Variants in SMCHD1 observed in about 807,000 individuals in gnomAD.
SMCHD1 encodes the protein structural maintenance of chromosomes flexible hinge domain containing 1.
SMCHD1 carries 78 observed loss-of-function variants against 254.7 expected under a neutral mutation model. The ratio of observed to expected loss-of-function variants is 0.31; its 90% CI spans 0.26 to 0.37. The LOEUF is 0.37. SMCHD1 is among the 10% of genes least tolerant of loss of function. The pLI, the probability that SMCHD1 is intolerant of heterozygous loss-of-function variation, is 1.00. For missense variants in SMCHD1, 1,840 were observed against 2,408.1 expected (o/e 0.76, Z 4.94); for synonymous variants, 766 against 794.9 (o/e 0.96, Z 0.61).
intron 37 of SMCHD1, among the ~76,000 whole-genome samples, chr18:2,768,669 T>TACACTATATACTATACTACTAGTATA (rs2075917525): frequency 2.1e-4 from 24 of 113,050 alleles, no homozygotes; most frequent in South Asian, 3.1e-4. Context: ...TAGTATATAG[T>TACACTATATACTATACTACTAGTATA]GTACTATATA....
intron 45 of SMCHD1, among the ~76,000 whole-genome samples, chr18:2,787,775 A>T (rs1478410661): frequency 6.6e-6 from 1 of 152,202 alleles, no homozygotes; most frequent in Non-Finnish European, 1.5e-5. Context: ...CTCAAAGGAG[A>T]CCGTTTAAGG....
In SMCHD1 at chr18:2,707,618, G is replaced by T; in HGVS notation, c.2119G>T (p.Glu707Ter). ...WPEGDELLPN[E>*]VRPAGTPIGA... ...TGAAGGAGATGAATTATTGCCTAAT[G>T]AGGTTAGGCCTGCTGGAACCCCTAT... Residue 707 changes from glutamate to a stop codon, truncating the protein, a stop_gained, in exon 16 of 48, where the codon GAG becomes TAG. Coordinates refer to ENST00000320876, the MANE Select transcript of SMCHD1 (RefSeq NM_015295.3). LOFTEE classifies it high-confidence loss of function. 1 of 1,606,444 alleles carries T rather than the reference G, an allele frequency of 6.2e-7. No individual in the cohort carries two copies. Among genetic ancestry groups the T allele is most frequent in the Non-Finnish European group, 8.5e-7 (1 of 1,175,088 alleles).
intron 47 of SMCHD1, among the ~76,000 whole-genome samples, chr18:2,799,054 CAT>C (rs1393113693): frequency 1.3e-5 from 2 of 151,994 alleles, no homozygotes; most frequent in Admixed American, 6.6e-5. Flanking sequence ...GATCATCGGT[CAT>C]ATGTGTATAT....
At chr18:2,798,822 G>A (rs1264299260) in intron 47 of SMCHD1, among the ~76,000 whole-genome samples, 6 of 152,162 alleles carry the variant, frequency 3.9e-5, no homozygotes, top group Non-Finnish European at 8.8e-5. Context: ...TTTTTAGAGA[G>A]ACCAGAACCC....
chr18:2,686,905 TTC>T (rs1568139526), intron 5 of SMCHD1, among the ~76,000 whole-genome samples: 1 of 152,144 alleles, frequency 6.6e-6, no homozygotes, highest in East Asian at 1.9e-4. Flanking sequence ...ATCCCATTCT[TTC>T]TGTTTCTGTT....
intron 34 of SMCHD1, among the ~76,000 whole-genome samples, chr18:2,756,566 C>G (rs1229408071): frequency 6.6e-6 from 1 of 152,146 alleles, no homozygotes. Flanking sequence ...TTTCCTGTCT[C>G]TTGCTCAGTT....
In SMCHD1 at chr18:2,718,018, G is replaced by T; in HGVS notation, c.2261-140G>T. On this transcript the variant is annotated intron_variant, in intron 17 of 47. Coordinates refer to ENST00000320876, the MANE Select transcript of SMCHD1 (RefSeq NM_015295.3). The surrounding 1 kb of genome is among the most constrained non-coding windows in gnomAD (Gnocchi z 4.6). Reference sequence around the variant, plus strand: ...TTATTATTGCTGTTCACTTTCATAGGATAGTGTTAGATCTTTTGAAGCTTC... The same window carrying T: ...TTATTATTGCTGTTCACTTTCATAGTATAGTGTTAGATCTTTTGAAGCTTC... 3 of 602,934 alleles carry T rather than the reference G, an allele frequency of 5.0e-6. No homozygotes were observed. The highest frequency in any genetic ancestry group is 8.7e-6 in the Non-Finnish European group (3 of 344,942). 37.3% of individuals were successfully genotyped at this position (602,934 alleles called of 1,614,324 possible).
At chr18:2,667,552 G>T (rs1006364602) in intron 3 of SMCHD1, among the ~76,000 whole-genome samples, 1 of 152,102 alleles carries the variant, frequency 6.6e-6, no homozygotes. Context: ...ACTTGCCAAA[G>T]TGTCTAATAC....
intron 22 of SMCHD1, 48 bp from the exon 23 acceptor site, chr18:2,728,409 T>C (rs1303553395): frequency 6.4e-7 from 1 of 1,572,894 alleles, no homozygotes; most frequent in East Asian, 2.3e-5. Flanking sequence ...TTCAGTACTT[T>C]AGTCTTTGAA....
chr18:2,678,900 G>C (rs112702086), intron 5 of SMCHD1, among the ~76,000 whole-genome samples: 8,313 of 149,024 alleles, frequency 0.056, 764 homozygotes, highest in African/African-American at 0.19. Flanking sequence ...CCAGGCTGGA[G>C]TGTGTAGTGC....
chr18:2,795,021 G>A (rs2076233665), intron 45 of SMCHD1, among the ~76,000 whole-genome samples: 1 of 148,742 alleles, frequency 6.7e-6, no homozygotes, highest in Non-Finnish European at 1.5e-5. Flanking sequence ...TTCTGAGTGT[G>A]TTTTTAAAAA....
At chr18:2,694,815 A>T in intron 8 of SMCHD1, 122 bp downstream of exon 8, 1 of 735,038 alleles carries the variant, frequency 1.4e-6, no homozygotes, top group South Asian at 1.8e-5. Context: ...TCTTCCCTTT[A>T]GTATTATCCA....
chr18:2,707,421 T>A (rs1381854843), intron 15 of SMCHD1, 142 bp from the exon 16 acceptor site: 2 of 451,118 alleles, frequency 4.4e-6, no homozygotes, highest in Non-Finnish European at 7.7e-6. Flanking sequence ...AATTTTTAGA[T>A]GATTAATCGT....
Position 2,703,872 on chromosome 18 carries a change from A to G in SMCHD1, c.1828A>G (p.Lys610Glu). 6.3e-7 allele frequency: 1 copy of G among 1,592,082 alleles called. No homozygotes were observed. Among genetic ancestry groups the G allele is most frequent in the Non-Finnish European group, 8.5e-7 (1 of 1,172,710 alleles). Reference protein sequence around the residue: ...AAIEWDGKIYKAGQLVKTIKT... With the variant: ...AAIEWDGKIYEAGQLVKTIKT... ...AATAGAATGGGATGGAAAGATATACAAAGCAGGACAGCTGGTAGGTTTAAC... is the reference window on the plus strand; with the variant it reads ...AATAGAATGGGATGGAAAGATATACGAAGCAGGACAGCTGGTAGGTTTAAC... The change falls in exon 13 of 48, where the codon AAA becomes GAA. Residue 610 changes from lysine to glutamate, a missense_variant. Lys to Glu is a moderately conservative substitution (Grantham distance 56). Coordinates refer to ENST00000320876, the MANE Select transcript of SMCHD1 (RefSeq NM_015295.3).
intron 5 of SMCHD1, among the ~76,000 whole-genome samples, chr18:2,681,807 T>G (rs1001430661): frequency 2.0e-5 from 3 of 152,120 alleles, no homozygotes; most frequent in African/African-American, 7.2e-5. Context: ...TTCTGCACTT[T>G]CAACTTGCCC....
chr18:2,788,688 C>T lies in SMCHD1; in HGVS notation c.5719+4067C>T, dbSNP rs1380897118. Among the ~76,000 whole-genome samples, 4 of 151,740 alleles carry T rather than the reference C, an allele frequency of 2.6e-5. No individual in the cohort carries two copies. The East Asian group carries it at 7.9e-4, about 30-fold the overall frequency. Reference sequence around the variant, plus strand: ...GGCTTGATCTAATTGCAACCTCCACCTCCCAGGTTCAAGTGATTCTTGTGC... The same window carrying T: ...GGCTTGATCTAATTGCAACCTCCACTTCCCAGGTTCAAGTGATTCTTGTGC... On this transcript the variant is annotated intron_variant, in intron 45 of 47. Transcript: ENST00000320876.
At chr18:2,733,673 A>T (rs543546414) in intron 25 of SMCHD1, among the ~76,000 whole-genome samples, 1 of 152,336 alleles carries the variant, frequency 6.6e-6, no homozygotes, top group African/African-American at 2.4e-5. Context: ...AATTTGCCTT[A>T]TGCTTAAATT....
chr18:2,784,779 A>T, intron 45 of SMCHD1, 158 bp downstream of exon 45: 1 of 789,778 alleles, frequency 1.3e-6, no homozygotes, highest in Non-Finnish European at 2.1e-6. Context: ...CAGCTTTTTT[A>T]TATCAGGTAG....
At chr18:2,685,892 CT>C (rs2074040815) in intron 5 of SMCHD1, among the ~76,000 whole-genome samples, 1 of 152,114 alleles carries the variant, frequency 6.6e-6, no homozygotes, top group Non-Finnish European at 1.5e-5. Flanking sequence ...TTGTTTCTAC[CT>C]TTTGTCTTTT....
Sources: gnomAD v4.1 joint callset for allele counts (sites outside exome capture counted in the v4.1 genomes callset) on GRCh38, gnomAD v4.1.1 for gene constraint, Gnocchi (gnomAD v3.1) non-coding constraint, MANE v1.5 for transcripts, NCBI Gene and HGNC (gene_info 2026-07-23, HGNC 2026-07-21) for gene names.